The following FCGR2B variants were observed in gnomAD, a reference collection of about 807,000 sequenced individuals.
FCGR2B encodes the protein low affinity immunoglobulin gamma Fc region receptor II-b.
A neutral mutation model predicts 24.8 loss-of-function variants in FCGR2B; 18 were observed. The ratio of observed to expected loss-of-function variants is 0.73; its 90% confidence interval spans 0.50 to 1.08. The LOEUF (loss-of-function observed/expected upper bound fraction) is 1.08. FCGR2B is among the 50% of genes least tolerant of loss of function. The pLI, the probability that FCGR2B is intolerant of heterozygous loss-of-function variation, is 0.00. For missense variants in FCGR2B, 215 were observed against 297.6 expected, an observed-to-expected ratio of 0.72 and a Z score of 2.04; for synonymous variants, 79 against 109.8, an observed-to-expected ratio of 0.72 and a Z score of 1.75.
Position 161,677,564 on chromosome 1 carries a change from C to G in FCGR2B, c.*11C>G. The G allele has an allele frequency of 6.3e-7, 1 of 1,592,420 alleles. No individual in the cohort carries two copies. Among genetic ancestry groups the G allele is most frequent in the Non-Finnish European group, 8.6e-7 (1 of 1,162,828 alleles). ...CAGAACCGTATTTAGTCTCCATTGTCTTGCATTGGGATTTGAGAAGAAAAT... is the reference window on the plus strand; with the variant it reads ...CAGAACCGTATTTAGTCTCCATTGTGTTGCATTGGGATTTGAGAAGAAAAT... On this transcript the variant is annotated 3_prime_UTR_variant, in exon 8 of 8. Coordinates refer to ENST00000358671, the MANE Select transcript of FCGR2B (RefSeq NM_001394477.1).
In FCGR2B at chr1:161,678,588, G is replaced by A. The variant is rs1419015167; in HGVS notation, c.*1035G>A. ...ACTGTACTCTTCTGCCAATGACCTT[G>A]TATTCTTGTTTCCATGTCTTCTTCT... On this transcript the variant is annotated 3_prime_UTR_variant, in exon 8 of 8. Transcript: ENST00000358671. 4.7e-6 allele frequency: 1 copy of A among 211,228 alleles called. No homozygotes were observed. Among genetic ancestry groups the A allele is most frequent in the African/African-American group, 2.3e-5 (1 of 44,036 alleles). 13.1% of individuals were successfully genotyped at this position (211,228 alleles called of 1,614,324 possible).
At chr1:161,656,004 T>C in the FCGR2B span, among the ~76,000 whole-genome samples, 28,406 of 122,618 alleles carry the variant, frequency 0.23, 3,590 homozygotes, top group Middle Eastern at 0.31. Flanking sequence ...TACAGGCACG[T>C]GCCACAACCC....
the FCGR2B span, among the ~76,000 whole-genome samples, chr1:161,650,084 T>G: frequency 0.15 from 21,726 of 148,788 alleles, 1,601 homozygotes; most frequent in Middle Eastern, 0.19. Context: ...CTCTGTTCAC[T>G]GCACCCTCCA....
the FCGR2B span, among the ~76,000 whole-genome samples, chr1:161,654,108 C>T: frequency 7.3e-6 from 1 of 137,206 alleles, no homozygotes; most frequent in Non-Finnish European, 1.7e-5. Flanking sequence ...CATGGCTGGC[C>T]CTGTGATTAT....
intron 6 of FCGR2B, chr1:161,676,236 A>G (rs1310124638): frequency 4.6e-6 from 1 of 218,644 alleles, no homozygotes; most frequent in African/African-American, 2.3e-5. Context: ...CCCACCTCAG[A>G]TGGCTGGAGT....
At chr1:161,661,210 GAAAGAAAGAA>G (rs1187739026), upstream of FCGR2B, among the ~76,000 whole-genome samples, 29 of 78,636 alleles carry the variant, frequency 3.7e-4, 4 homozygotes, top group African/African-American at 1.5e-3. Flanking sequence ...AAGAAAGAAA[GAAAGAAAGAA>G]AGAAAGAAAG....
At chr1:161,647,554 C>T in the FCGR2B span, among the ~76,000 whole-genome samples, 7 of 150,520 alleles carry the variant, frequency 4.7e-5, no homozygotes, top group East Asian at 1.2e-3. Flanking sequence ...CCCCCACCGC[C>T]TCGGCCTCCT....
At position 161,674,457 on chromosome 1, in the gene FCGR2B, G is replaced by C. The variant is rs554125765; in HGVS notation, c.760+384G>C. 3 of 372,370 alleles carry C rather than the reference G, an allele frequency of 8.1e-6. No individual in the cohort carries two copies. In the East Asian group the frequency reaches 2.0e-4, roughly 25 times the overall value. 23.1% of individuals were successfully genotyped at this position (372,370 alleles called of 1,614,324 possible). A position where few individuals can be genotyped will look rare whatever the true frequency, so the allele number is the denominator to read the frequency against. On this transcript the variant is annotated intron_variant, in intron 5 of 7. Transcript: ENST00000358671. Reference sequence around the variant, plus strand: ...AACAAGGGCTGAGGCAGTTGGAGAAGGTCTTGGGGAGAGCAGTGTAGTGTA... The same window carrying C: ...AACAAGGGCTGAGGCAGTTGGAGAACGTCTTGGGGAGAGCAGTGTAGTGTA...
At chr1:161,656,367 G>C in the FCGR2B span, among the ~76,000 whole-genome samples, 4 of 120,632 alleles carry the variant, frequency 3.3e-5, 1 homozygote, top group Non-Finnish European at 7.6e-5. Flanking sequence ...TCAACATTGG[G>C]TTAGAGCACT....
At position 161,669,665 on chromosome 1, in the gene FCGR2B, C is replaced by A. The variant is rs1166098149; in HGVS notation, c.113-587C>A. Among the ~76,000 whole-genome samples the A allele has an allele frequency of 1.4e-5, 2 of 138,470 alleles. 1 individual carries two copies. The highest frequency in any genetic ancestry group is 3.3e-5 in the Non-Finnish European group (2 of 61,112). 90.8% of individuals were successfully genotyped at this position (138,470 alleles called of 152,430 possible). ...GATTCATCTTCTAGAACTTGCATTG[C>A]TCAGTGAAGAATCAGGTTAAAGAAC... On this transcript the variant is annotated intron_variant, in intron 1 of 7. Coordinates refer to ENST00000358671, the MANE Select transcript of FCGR2B (RefSeq NM_001394477.1).
chr1:161,671,733 G>A (rs5017565), intron 3 of FCGR2B, 84 bp downstream of exon 3: 354 of 1,590,630 alleles, frequency 2.2e-4, no homozygotes, highest in African/African-American at 4.7e-4. Context: ...GCAGGAAAGG[G>A]GGGTGGCCTG....
At chr1:161,647,302 T>C in the FCGR2B span, among the ~76,000 whole-genome samples, 1 of 120,120 alleles carries the variant, frequency 8.3e-6, no homozygotes, top group Non-Finnish European at 2.0e-5. Flanking sequence ...GGACTCTTTT[T>C]TTTTTTTTTT....
At chr1:161,650,929 A>T in the FCGR2B span, among the ~76,000 whole-genome samples, 11 of 96,868 alleles carry the variant, frequency 1.1e-4, no homozygotes, top group Admixed American at 2.4e-4. Context: ...GTCTCTTCTC[A>T]CTTAGAAAAT....
At chr1:161,647,297 CTTTT>C in the FCGR2B span, among the ~76,000 whole-genome samples, 2 of 122,566 alleles carry the variant, frequency 1.6e-5, no homozygotes, top group African/African-American at 3.3e-5. Flanking sequence ...GCTCTGGACT[CTTTT>C]TTTTTTTTTT....
At chr1:161,661,131 A>G (rs1680983408), upstream of FCGR2B, among the ~76,000 whole-genome samples, 1 of 120,634 alleles carries the variant, frequency 8.3e-6, no homozygotes, top group Non-Finnish European at 1.7e-5. Flanking sequence ...AGAAAGAAAG[A>G]AAAAGAAAGA....
chr1:161,677,022 A>C, intron 6 of FCGR2B: 1 of 438,520 alleles, frequency 2.3e-6, no homozygotes, highest in Non-Finnish European at 4.0e-6. Context: ...CTCTTCCCCA[A>C]TATCTCAGAT....
chr1:161,678,580 A>G lies in FCGR2B; in HGVS notation c.*1027A>G, dbSNP rs1381355053. On this transcript the variant is annotated 3_prime_UTR_variant, in exon 8 of 8. Transcript: ENST00000358671. The stretch of plus-strand genomic sequence containing the variant: ...AATGCATGACTGTACTCTTCTGCCA[A>G]TGACCTTGTATTCTTGTTTCCATGT... The G allele has an allele frequency of 4.7e-6, 1 of 211,932 alleles. No homozygotes were observed. Among genetic ancestry groups the G allele is most frequent in the African/African-American group, 2.3e-5 (1 of 44,110 alleles). The allele number at this position is 211,932 out of a possible 1,614,324, so 13.1% of individuals were successfully genotyped here.
At chr1:161,650,734 T>A in the FCGR2B span, among the ~76,000 whole-genome samples, 1 of 116,880 alleles carries the variant, frequency 8.6e-6, no homozygotes, top group African/African-American at 3.4e-5. Context: ...TCACGTTTCT[T>A]AGCCCTTTAA....
intron 6 of FCGR2B, chr1:161,676,920 G>T: frequency 4.0e-6 from 1 of 250,278 alleles, no homozygotes; most frequent in Non-Finnish European, 7.6e-6. Context: ...AGACAATGTG[G>T]AAATGGCCCT....
Sources: allele counts gnomAD v4.1 joint callset (sites outside exome capture counted in the v4.1 genomes callset), GRCh38; gene constraint gnomAD v4.1.1; transcripts MANE v1.5; gene names NCBI Gene and HGNC (gene_info 2026-07-23, HGNC 2026-07-21).